ZNF569: variants seen among roughly 807,000 people sequenced by gnomAD.
ZNF569 encodes DNA-binding protein.
ZNF569 carries 38 observed loss-of-function variants against 56.3 expected under a neutral mutation model. That is an observed-to-expected ratio of 0.68 (90% CI 0.52 to 0.88). ZNF569 has a LOEUF of 0.88. Ranked by LOEUF, ZNF569 falls within the 40% of genes least tolerant of loss-of-function variation. The pLI is 0.00. For synonymous variants in ZNF569, 241 were observed against 262.9 expected (o/e 0.92, Z 0.81); for missense variants, 666 against 809.2 (o/e 0.82, Z 2.15).
Position 37,414,268 on chromosome 19 carries a change from G to A in ZNF569, c.390C>T (p.Phe130=), listed in dbSNP as rs570264602. 6.2e-7 allele frequency: 1 copy of A among 1,613,274 alleles called. No homozygotes were observed. The highest frequency in any genetic ancestry group is 8.5e-7 in the Non-Finnish European group (1 of 1,179,678). ...ACTCATAGAGATTGTGTCTGGAAGG[G>A]AAAAAATCAGAGTTCAGAGGAAATA... is the stretch of plus-strand genomic sequence containing the variant. The part of the protein sequence containing the change: ...ANVFPLNSDF[F]PSRHNLYEYD... The change falls in exon 6 of 6, where the codon TTC becomes TTT. Residue 130 remains phenylalanine (F), a synonymous_variant. Transcript: ENST00000316950.
At chr19:37,445,381 A>G (rs2041475844) in intron 2 of ZNF569, among the ~76,000 whole-genome samples, 1 of 152,222 alleles carries the variant, frequency 6.6e-6, no homozygotes, top group South Asian at 2.1e-4. Flanking sequence ...AAAAGTTTTT[A>G]TGTGTGAGTA....
intron 5 of ZNF569, among the ~76,000 whole-genome samples, chr19:37,423,555 T>C (rs974183867): frequency 2.0e-5 from 3 of 152,214 alleles, no homozygotes; most frequent in Non-Finnish European, 2.9e-5. Context: ...TAGGAACAGA[T>C]TGTTTTAACT....
intron 3 of ZNF569, among the ~76,000 whole-genome samples, chr19:37,439,331 A>G (rs1172322642): frequency 1.2e-4 from 18 of 152,158 alleles, no homozygotes; most frequent in Admixed American, 1.2e-3. Context: ...TTGGCCTCCC[A>G]AAGTGGTGGG....
intron 3 of ZNF569, among the ~76,000 whole-genome samples, chr19:37,428,340 CAATAAATG>C (rs1555835823): frequency 8.0e-5 from 12 of 150,358 alleles, no homozygotes; most frequent in Admixed American, 2.6e-4. Context: ...CTCATCTCTA[CAATAAATG>C]AATGAATGAA....
intron 2 of ZNF569, among the ~76,000 whole-genome samples, chr19:37,463,535 A>C (rs1461739898): frequency 6.6e-6 from 1 of 152,260 alleles, no homozygotes. Context: ...TGAATAGTAC[A>C]TAATACTTGA....
At chr19:37,420,323 T>C (rs1189625551) in intron 5 of ZNF569, among the ~76,000 whole-genome samples, 1 of 152,142 alleles carries the variant, frequency 6.6e-6, no homozygotes, top group Non-Finnish European at 1.5e-5. Context: ...GTCACATTGA[T>C]TGACTTTTCT....
In ZNF569 at chr19:37,412,803, A is replaced by G; in HGVS notation, c.1855T>C (p.Ser619Pro). The G allele has an allele frequency of 6.2e-7, 1 of 1,613,870 alleles. No individual in the cohort carries two copies. Among genetic ancestry groups the G allele is most frequent in the Non-Finnish European group, 8.5e-7 (1 of 1,179,920 alleles). ...CCTCGTATATGTATAGTAAGGGATG[A>G]GCTTTGGGAGAAGGCTTTTCCACAT... Reference protein sequence around the residue: ...NKCGKAFSQSSSLTIHIRGHT... With the variant: ...NKCGKAFSQSPSLTIHIRGHT... The change falls in exon 6 of 6, where the codon TCA becomes CCA. Residue 619 changes from serine (S) to proline (P), a missense_variant. Physicochemically the swap from Ser to Pro is moderately conservative, Grantham distance 74. Transcript: ENST00000316950.
intron 3 of ZNF569, among the ~76,000 whole-genome samples, chr19:37,438,044 G>A (rs1283927653): frequency 6.6e-6 from 1 of 152,062 alleles, no homozygotes; most frequent in African/African-American, 2.4e-5. Context: ...AAAACTGGAG[G>A]AGCCTGACTT....
At chr19:37,457,581 G>GC (rs1465396877) in intron 2 of ZNF569, among the ~76,000 whole-genome samples, 1 of 151,478 alleles carries the variant, frequency 6.6e-6, no homozygotes, top group African/African-American at 2.4e-5. Context: ...GCAAACTATC[G>GC]CAAGGACAGA....
At position 37,412,391 on chromosome 19, in the gene ZNF569, A is replaced by T; in HGVS notation, c.*206T>A. The T allele has an allele frequency of 1.3e-6, 1 of 778,814 alleles. No homozygotes were observed. The highest frequency in any genetic ancestry group is 1.8e-6 in the Non-Finnish European group (1 of 556,242). 48.2% of individuals were successfully genotyped at this position (778,814 alleles called of 1,614,324 possible). On this transcript the variant is annotated 3_prime_UTR_variant, in exon 6 of 6. Coordinates refer to ENST00000316950, the MANE Select transcript of ZNF569 (RefSeq NM_152484.3). ...ATGCTGATTAAATATTATCAATAAG[A>T]TGTCTGCTGAAAGTTTCTGGTAACA...
intron 5 of ZNF569, among the ~76,000 whole-genome samples, chr19:37,422,676 G>A (rs1345635107): frequency 6.6e-6 from 1 of 152,138 alleles, no homozygotes; most frequent in Non-Finnish European, 1.5e-5. Context: ...AAGAATCATT[G>A]AGAAAACAGA....
intron 2 of ZNF569, among the ~76,000 whole-genome samples, chr19:37,451,828 T>A (rs1362068354): frequency 2.6e-5 from 4 of 152,238 alleles, no homozygotes; most frequent in African/African-American, 9.6e-5. Flanking sequence ...GCCGTTAAGA[T>A]CTGAAGTGAG....
chr19:37,457,311 C>A (rs1423244421), intron 2 of ZNF569, among the ~76,000 whole-genome samples: 1 of 152,106 alleles, frequency 6.6e-6, no homozygotes, highest in Non-Finnish European at 1.5e-5. Flanking sequence ...ATCGAGAATT[C>A]TATACTTATA....
chr19:37,462,792 G>A (rs1235087102), intron 2 of ZNF569, among the ~76,000 whole-genome samples: 1 of 152,040 alleles, frequency 6.6e-6, no homozygotes, highest in African/African-American at 2.4e-5. Flanking sequence ...TACCCTCTAA[G>A]TGACCTCATT....
chr19:37,461,313 CTTTTT>C (rs200197328), intron 2 of ZNF569, among the ~76,000 whole-genome samples: 2 of 136,986 alleles, frequency 1.5e-5, no homozygotes, highest in Admixed American at 7.3e-5. Flanking sequence ...AAAATATCCT[CTTTTT>C]TTTTTTTTTT....
At chr19:37,454,345 G>A (rs762900425) in intron 2 of ZNF569, among the ~76,000 whole-genome samples, 20 of 151,698 alleles carry the variant, frequency 1.3e-4, no homozygotes, top group Non-Finnish European at 1.9e-4. Flanking sequence ...TTGAGTAGAC[G>A]GAGGGATAGC....
chr19:37,423,360 G>A (rs1014047434), intron 5 of ZNF569, among the ~76,000 whole-genome samples: 4 of 152,132 alleles, frequency 2.6e-5, no homozygotes, highest in African/African-American at 4.8e-5. Context: ...CTATATAAAT[G>A]CTCTAGAGCA....
At chr19:37,468,414 T>C (rs908855090), upstream of ZNF569, among the ~76,000 whole-genome samples, 1 of 152,084 alleles carries the variant, frequency 6.6e-6, no homozygotes, top group Admixed American at 6.5e-5. Context: ...AAAGAGATAA[T>C]AGGCCGGACG....
chr19:37,458,700 A>C (rs957921465), intron 2 of ZNF569, among the ~76,000 whole-genome samples: 2 of 152,228 alleles, frequency 1.3e-5, no homozygotes, highest in Non-Finnish European at 2.9e-5. Flanking sequence ...ATGGCCCAGC[A>C]CAACCTATAT....
Sources: gnomAD v4.1 joint callset for allele counts (sites outside exome capture counted in the v4.1 genomes callset) on GRCh38, gnomAD v4.1.1 for gene constraint, MANE v1.5 for transcripts, NCBI Gene and HGNC (gene_info 2026-07-23, HGNC 2026-07-21) for gene names.